The following USP47 variants were observed in gnomAD, a reference collection of about 807,000 sequenced individuals.
USP47 encodes the protein ubiquitin specific peptidase 47, also known as ubiquitin carboxyl-terminal hydrolase 47.
Under a neutral mutation model 165.1 loss-of-function variants are expected in USP47, and 35 were observed. The observed-to-expected ratio is 0.21, with a 90% CI of 0.16 to 0.28. USP47 has a LOEUF of 0.28. Ranked by LOEUF, USP47 falls within the 10% of genes least tolerant of loss-of-function variation. USP47 has a pLI of 1.00. For synonymous variants in USP47, 531 were observed against 544.5 expected (o/e 0.98, Z 0.35); for missense variants, 1,277 against 1,607.4 (o/e 0.79, Z 3.52).
At chr11:11,843,325 G>T (rs774951623) in intron 1 of USP47, among the ~76,000 whole-genome samples, 4 of 152,170 alleles carry the variant, frequency 2.6e-5, no homozygotes, top group Non-Finnish European at 4.4e-5. Flanking sequence ...TTGTCAGAAG[G>T]GCAGTGATAG....
At chr11:11,856,990 G>T (rs895397586) in intron 1 of USP47, 5 of 152,132 alleles carry the variant, frequency 3.3e-5, no homozygotes, top group Admixed American at 3.3e-4. Context: ...CAGTAACTGA[G>T]AACACCATAA....
Position 11,955,471 on chromosome 11 carries a change from G to A in USP47, c.3893+307G>A, listed in dbSNP as rs183106803. Among the ~76,000 whole-genome samples, 7 of 152,184 alleles carry A rather than the reference G, an allele frequency of 4.6e-5. No homozygotes were observed. In the East Asian group the frequency reaches 1.3e-3, roughly 29 times the overall value. On this transcript the variant is annotated intron_variant, in intron 27 of 27. Coordinates refer to ENST00000527733, the MANE Select transcript of USP47 (RefSeq NM_001282659.2). Reference sequence around the variant, plus strand: ...CATTTTTTTATTGTACTGAGTCTTAGAAATATTGTATGTCTGTTATATTTC... The same window carrying A: ...CATTTTTTTATTGTACTGAGTCTTAAAAATATTGTATGTCTGTTATATTTC...
In USP47 at chr11:11,929,526, T is replaced by C. The variant is rs759048866; in HGVS notation, c.1479T>C (p.Asp493=). Residue 493 remains aspartate (D), a synonymous_variant, in exon 12 of 28, where the codon GAT becomes GAC. Coordinates refer to ENST00000527733, the MANE Select transcript of USP47 (RefSeq NM_001282659.2). ...ATGCATGTATAAAGTCATTCAGTGA[T>C]GAGCAGTGGTACAGCTTCAATGATC... is the stretch of plus-strand genomic sequence containing the variant. ...HYYACIKSFS[D]EQWYSFNDQH... is the part of the protein sequence containing the mutation. 1.2e-6 allele frequency: 2 copies of C among 1,613,212 alleles called. No individual in the cohort carries two copies. Among genetic ancestry groups the C allele is most frequent in the African/African-American group, 2.7e-5 (2 of 74,890 alleles).
In USP47 at chr11:11,961,470, G is replaced by T. The variant is rs1189437018; in HGVS notation, c.*5295G>T. 2.6e-5 allele frequency among the ~76,000 whole-genome samples: 4 copies of T among 152,112 alleles called. No individual in the cohort carries two copies. Among genetic ancestry groups the T allele is most frequent in the African/African-American group, 9.7e-5 (4 of 41,420 alleles). Reference sequence around the variant, plus strand: ...CATTGCAGGATTTGAAGATGAAGGGGCCCATGAGCCAAGGAATGCCAGTGA... The same window carrying T: ...CATTGCAGGATTTGAAGATGAAGGGTCCCATGAGCCAAGGAATGCCAGTGA... On this transcript the variant is annotated 3_prime_UTR_variant, in exon 28 of 28. Coordinates refer to ENST00000527733, the MANE Select transcript of USP47 (RefSeq NM_001282659.2).
At chr11:11,912,659 A>C (rs1490878819) in intron 8 of USP47, among the ~76,000 whole-genome samples, 2 of 152,132 alleles carry the variant, frequency 1.3e-5, no homozygotes, top group East Asian at 3.8e-4. Context: ...AGAAAGGAAG[A>C]GGAGGAAACC....
chr11:11,921,815 G>T (rs1034075051), intron 10 of USP47, among the ~76,000 whole-genome samples: 6 of 151,864 alleles, frequency 4.0e-5, no homozygotes, highest in African/African-American at 1.4e-4. Flanking sequence ...TTTTGGCTCA[G>T]CTGAAGAAGT....
At chr11:11,940,634 A>T in intron 19 of USP47, 86 bp downstream of exon 19, 1 of 1,407,234 alleles carries the variant, frequency 7.1e-7, no homozygotes, top group Non-Finnish European at 9.8e-7. Flanking sequence ...TGGCCTCCAC[A>T]GCTGTTCAAC....
chr11:11,863,214 A>G (rs1006049838), intron 1 of USP47, among the ~76,000 whole-genome samples: 4 of 152,334 alleles, frequency 2.6e-5, no homozygotes, highest in East Asian at 1.9e-4. Context: ...GAAATGTGGT[A>G]TATTTTAATG....
chr11:11,887,425 A>T (rs543265804), intron 3 of USP47, among the ~76,000 whole-genome samples: 8 of 152,332 alleles, frequency 5.3e-5, no homozygotes, highest in African/African-American at 1.9e-4. Context: ...CAGGAGTCGC[A>T]ATCCTAGTTT....
chr11:11,850,690 T>C (rs1016741029), intron 1 of USP47, among the ~76,000 whole-genome samples: 5 of 152,184 alleles, frequency 3.3e-5, no homozygotes, highest in Non-Finnish European at 5.9e-5. Context: ...TCTGGATGAT[T>C]TCCTTGCAGA....
chr11:11,906,948 C>T (rs1852611965), intron 8 of USP47, among the ~76,000 whole-genome samples: 1 of 151,786 alleles, frequency 6.6e-6, no homozygotes. Context: ...ATTTTTTATA[C>T]CTTATTTATT....
chr11:11,863,443 T>C (rs1849494247), intron 1 of USP47, among the ~76,000 whole-genome samples: 1 of 152,206 alleles, frequency 6.6e-6, no homozygotes, highest in Admixed American at 6.5e-5. Context: ...TTTTAAAAAA[T>C]ATGATCAGAC....
chr11:11,884,779 A>G (rs1851048274), intron 3 of USP47, 199 bp downstream of exon 3: 2 of 473,596 alleles, frequency 4.2e-6, no homozygotes. Flanking sequence ...TTATTTGTGT[A>G]TACAGTCTGT....
intron 1 of USP47, among the ~76,000 whole-genome samples, chr11:11,864,421 T>A (rs1849556599): frequency 6.6e-6 from 1 of 152,076 alleles, no homozygotes; most frequent in South Asian, 2.1e-4. Flanking sequence ...GTATGTACAG[T>A]TCGGTGGTAC....
At chr11:11,904,555 G>A (rs1852427282) in intron 7 of USP47, among the ~76,000 whole-genome samples, 1 of 152,128 alleles carries the variant, frequency 6.6e-6, no homozygotes, top group South Asian at 2.1e-4. Context: ...CTTCTTCATA[G>A]ATCTGAAGTT....
At chr11:11,923,816 G>T (rs1854038102) in intron 11 of USP47, among the ~76,000 whole-genome samples, 1 of 152,162 alleles carries the variant, frequency 6.6e-6, no homozygotes, top group African/African-American at 2.4e-5. Context: ...AGTTGAGCAG[G>T]GATTGCTATG....
intron 1 of USP47, among the ~76,000 whole-genome samples, chr11:11,847,435 C>T (rs1240332771): frequency 1.3e-5 from 2 of 152,024 alleles, no homozygotes; most frequent in Admixed American, 6.6e-5. Context: ...TTCAGATTTC[C>T]ACTGTTCTGG....
chr11:11,937,361 C>T (rs1158694980), intron 17 of USP47, among the ~76,000 whole-genome samples: 1 of 151,812 alleles, frequency 6.6e-6, no homozygotes, highest in Non-Finnish European at 1.5e-5. Flanking sequence ...AAACTTTATT[C>T]TGCCCTTTTA....
At chr11:11,942,089 ATGTTTGT>A (rs1219734957) in intron 19 of USP47, among the ~76,000 whole-genome samples, 1 of 152,082 alleles carries the variant, frequency 6.6e-6, no homozygotes, top group Non-Finnish European at 1.5e-5. Flanking sequence ...AATAAACAAG[ATGTTTGT>A]GTGTATGTGT....
Sources: allele counts gnomAD v4.1 joint callset (sites outside exome capture counted in the v4.1 genomes callset), GRCh38; gene constraint gnomAD v4.1.1; transcripts MANE v1.5; gene names NCBI Gene and HGNC (gene_info 2026-07-23, HGNC 2026-07-21).